Variants in DAB1 observed in about 807,000 individuals in gnomAD.
DAB1 encodes DAB adaptor protein 1.
A neutral mutation model predicts 64.6 loss-of-function variants in DAB1; 15 were observed. The ratio of observed to expected loss-of-function variants is 0.23; its 90% CI spans 0.16 to 0.36. The LOEUF (loss-of-function observed/expected upper bound fraction) is 0.36, where lower values mean the gene tolerates loss of function less well. Among genes scored for constraint, DAB1 ranks in the 10% least tolerant of loss-of-function variants. DAB1 has a pLI of 1.00. For missense variants in DAB1, 596 were observed against 706.7 expected (o/e 0.84, Z 1.78); for synonymous variants, 235 against 251.9 (o/e 0.93, Z 0.64).
chr1:58,290,716 A>G (rs1055054502), intron 4 of DAB1, among the ~76,000 whole-genome samples: 1 of 152,148 alleles, frequency 6.6e-6, no homozygotes, highest in Non-Finnish European at 1.5e-5. Flanking sequence ...GGAGATCATT[A>G]TTCATTTCTG....
intron 3 of DAB1, among the ~76,000 whole-genome samples, chr1:58,442,978 A>G (rs706438): frequency 0.71 from 108,729 of 152,110 alleles, 39,074 homozygotes; most frequent in South Asian, 0.82. Flanking sequence ...CAGAAAGCTT[A>G]GAAAACTGTA....
chr1:58,540,770 T>G (rs187521456), intron 1 of DAB1, among the ~76,000 whole-genome samples: 4 of 151,832 alleles, frequency 2.6e-5, no homozygotes, highest in African/African-American at 7.3e-5. Context: ...TGGCCTAATA[T>G]TCATCTAACT....
chr1:57,675,933 A>C (rs1646561285), intron 6 of DAB1, among the ~76,000 whole-genome samples: 1 of 152,208 alleles, frequency 6.6e-6, no homozygotes, highest in Admixed American at 6.5e-5. Flanking sequence ...TGGAAGGGAC[A>C]GACAGCTAAG....
At chr1:58,065,782 C>T (rs1001127259) in intron 5 of DAB1, among the ~76,000 whole-genome samples, 47 of 152,274 alleles carry the variant, frequency 3.1e-4, no homozygotes, top group African/African-American at 1.1e-3. Flanking sequence ...TGTCGAGCTG[C>T]AGTGTAGGCC....
At chr1:57,685,431 A>G (rs1161734450) in intron 6 of DAB1, among the ~76,000 whole-genome samples, 1 of 152,170 alleles carries the variant, frequency 6.6e-6, no homozygotes, top group Non-Finnish European at 1.5e-5. Context: ...CTCTTGACCT[A>G]CAAAAAGACT....
intron 2 of DAB1, among the ~76,000 whole-genome samples, chr1:57,201,765 A>G (rs887196112): frequency 4.6e-5 from 7 of 152,048 alleles, no homozygotes; most frequent in African/African-American, 1.7e-4. Context: ...TTCATATTCA[A>G]CTGGAAGATC....
At chr1:57,730,421 G>T (rs1021401757) in intron 6 of DAB1, among the ~76,000 whole-genome samples, 1 of 152,222 alleles carries the variant, frequency 6.6e-6, no homozygotes, top group Admixed American at 6.5e-5. Context: ...CTCCTAGAAG[G>T]AGAGAATCAG....
intron 4 of DAB1, among the ~76,000 whole-genome samples, chr1:58,300,632 G>A (rs868109682): frequency 0.013 from 906 of 69,704 alleles, 60 homozygotes; most frequent in South Asian, 0.016. Context: ...GAGAGAGAGA[G>A]AGAGAGAGAG....
chr1:58,330,486 T>C (rs1419918672), intron 4 of DAB1, among the ~76,000 whole-genome samples: 1 of 152,228 alleles, frequency 6.6e-6, no homozygotes, highest in Non-Finnish European at 1.5e-5. Flanking sequence ...ATATTTTCAA[T>C]TTAGATGAAA....
intron 3 of DAB1, among the ~76,000 whole-genome samples, chr1:58,365,635 C>T (rs1557740600): frequency 6.6e-6 from 1 of 152,160 alleles, no homozygotes; most frequent in African/African-American, 2.4e-5. Context: ...GCCTCAACCT[C>T]CTTCTTTTCA....
intron 5 of DAB1, among the ~76,000 whole-genome samples, chr1:57,915,574 C>A (rs1644714420): frequency 6.6e-6 from 1 of 151,836 alleles, no homozygotes; most frequent in Non-Finnish European, 1.5e-5. Flanking sequence ...AATTCCCCCC[C>A]AGCTCATCTT....
In DAB1 at chr1:58,489,722, C is replaced by T. The variant is rs201333910; in HGVS notation, n.257+16338G>A. On this transcript the variant is annotated intron_variant and non_coding_transcript_variant, in intron 3 of 20. Transcript: ENST00000485760. ...GGGGCAGACTGACACCTCACAGGGC[C>T]GGGTACTCCTCTGAGACAAAACTTC... Among the ~76,000 whole-genome samples the T allele has an allele frequency of 6.6e-5, 10 of 152,210 alleles. No homozygotes were observed. In the East Asian group the frequency reaches 1.7e-3, roughly 27 times the overall value.
chr1:58,204,573 G>T (rs749421730), intron 4 of DAB1, among the ~76,000 whole-genome samples: 1 of 152,164 alleles, frequency 6.6e-6, no homozygotes, highest in Non-Finnish European at 1.5e-5. Context: ...GGCAGCTGCA[G>T]CTCAATCCTA....
At chr1:57,781,417 A>T (rs1650092974) in intron 6 of DAB1, among the ~76,000 whole-genome samples, 1 of 151,986 alleles carries the variant, frequency 6.6e-6, no homozygotes, top group African/African-American at 2.4e-5. Flanking sequence ...TCATGGAGGT[A>T]AGAGGCAAAC....
intron 3 of DAB1, among the ~76,000 whole-genome samples, chr1:58,462,259 TG>T (rs1366348890): frequency 6.6e-6 from 1 of 151,908 alleles, no homozygotes; most frequent in African/African-American, 2.4e-5. Context: ...CCCGAGCAGC[TG>T]GGACTACAGG....
rs1337142919 is a variant in DAB1 at position 57,736,404 on chromosome 1, T to C, written n.552-86739A>G. ...TTTGACTTCGTGCATATCTGGCTCATTGTCAGGAAGGAGACACCGAATGTT... is the reference window on the plus strand; with the variant it reads ...TTTGACTTCGTGCATATCTGGCTCACTGTCAGGAAGGAGACACCGAATGTT... On this transcript the variant is annotated intron_variant and non_coding_transcript_variant, in intron 6 of 20. Transcript: ENST00000485760. Among the ~76,000 whole-genome samples, 3 of 152,148 alleles carry C rather than the reference T, an allele frequency of 2.0e-5. No individual in the cohort carries two copies. In the East Asian group the frequency reaches 5.8e-4, roughly 29 times the overall value.
intron 3 of DAB1, among the ~76,000 whole-genome samples, chr1:58,412,234 G>C (rs1226593710): frequency 2.0e-5 from 3 of 152,134 alleles, no homozygotes; most frequent in Admixed American, 2.0e-4. Flanking sequence ...GCTAAGTAGG[G>C]AAAAGCAGAA....
At chr1:57,996,101 A>G (rs779292861) in intron 5 of DAB1, among the ~76,000 whole-genome samples, 4 of 152,100 alleles carry the variant, frequency 2.6e-5, no homozygotes, top group Non-Finnish European at 5.9e-5. Context: ...TCTACTAAAA[A>G]TACAAAAATT....
At chr1:58,213,991 A>G (rs1226152144) in intron 4 of DAB1, among the ~76,000 whole-genome samples, 3 of 151,804 alleles carry the variant, frequency 2.0e-5, no homozygotes, top group Non-Finnish European at 4.4e-5. Flanking sequence ...TGCCCACTTA[A>G]CTCTATCTTT....
Sources: gnomAD v4.1 joint callset for allele counts (sites outside exome capture counted in the v4.1 genomes callset) on GRCh38, gnomAD v4.1.1 for gene constraint, MANE v1.5 for transcripts, NCBI Gene and HGNC (gene_info 2026-07-23, HGNC 2026-07-21) for gene names.